GPAA1: variants seen among roughly 807,000 people sequenced by gnomAD.
The protein encoded by GPAA1 is GPI-anchor transamidase component GPAA1.
GPAA1 carries 54 observed loss-of-function variants against 64.0 expected under a neutral mutation model. The observed-to-expected ratio is 0.84, with a 90% CI of 0.68 to 1.06. The LOEUF (loss-of-function observed/expected upper bound fraction) is 1.06. Among genes scored for constraint, GPAA1 ranks in the 50% least tolerant of loss-of-function variants. The pLI, the probability that GPAA1 is intolerant of heterozygous loss-of-function variation, is 0.00. For synonymous variants in GPAA1, 393 were observed against 377.3 expected, an observed-to-expected ratio of 1.04 and a Z score of -0.48; for missense variants, 780 against 822.3, an observed-to-expected ratio of 0.95 and a Z score of 0.63.
rs1197213109 is a variant in GPAA1 at position 144,085,500 on chromosome 8, T to C, written c.1451+21T>C. 1.0e-5 allele frequency: 16 copies of C among 1,604,274 alleles called. 1 individual carries two copies. In the Admixed American group the frequency reaches 1.8e-4, roughly 18 times the overall value. ...CACCGGTAAGAGGCTGGGCTGGTTG[T>C]TGGGGGCAGGGGTAGAGGTCCCCTG... On this transcript the variant is annotated intron_variant, in intron 10 of 11. Transcript: ENST00000355091.
chr8:144,083,057 GT>G, intron 1 of GPAA1, 66 bp from the exon 2 acceptor site: 1 of 1,446,274 alleles, frequency 6.9e-7, no homozygotes, highest in Non-Finnish European at 9.5e-7. Flanking sequence ...GGGTGCGGAG[GT>G]TGTGGCCTCG....
In GPAA1 at chr8:144,083,492, G is replaced by A; in HGVS notation, c.358G>A (p.Glu120Lys). Residue 120 changes from glutamate to lysine, a missense_variant, in exon 3 of 12, where the codon GAG becomes AAG. Glu to Lys is a moderately conservative substitution (Grantham distance 56). Coordinates refer to ENST00000355091, the MANE Select transcript of GPAA1 (RefSeq NM_003801.4). ...RKLPFPDETH[E>K]RYMVSGTNVY... Reference sequence around the variant, plus strand: ...ACTGCCCTTCCCAGATGAGACCCACGAGCGCTATGTACTGGGGGAGTGGGG... The same window carrying A: ...ACTGCCCTTCCCAGATGAGACCCACAAGCGCTATGTACTGGGGGAGTGGGG... The A allele has an allele frequency of 1.1e-5, 17 of 1,610,382 alleles. No homozygotes were observed. Among genetic ancestry groups the A allele is most frequent in the Non-Finnish European group, 1.4e-5 (17 of 1,176,766 alleles).
rs1473186974 is a variant in GPAA1, at chr8:144,084,823, T to G, written c.1112T>G (p.Ile371Ser). Residue 371 changes from isoleucine (I) to serine (S), a missense_variant, in exon 8 of 12, where the codon ATC (isoleucine) becomes AGC (serine). Ile to Ser is a moderately radical substitution (Grantham distance 142, BLOSUM62 -2). Transcript: ENST00000355091. ...LLPGLSRFVS[I>S]GLYMPAVGFL... ...CCCGGCCTCTCCCGCTTCGTCTCCA[T>G]CGGCCTCTACATGCCCGCTGTCGGC... 1.2e-6 allele frequency: 2 copies of G among 1,613,628 alleles called. No individual in the cohort carries two copies. Among genetic ancestry groups the G allele is most frequent in the Non-Finnish European group, 1.7e-6 (2 of 1,180,018 alleles).
chr8:144,086,119 G>A lies in GPAA1; in HGVS notation c.1860G>A (p.Trp620Ter), dbSNP rs1176886949. 4 of 1,611,960 alleles carry A rather than the reference G, an allele frequency of 2.5e-6. No homozygotes were observed. The highest frequency in any genetic ancestry group is 1.3e-5 in the African/African-American group (1 of 74,902). Residue 620 changes from tryptophan (W) to a stop codon, truncating the protein, a stop_gained, in exon 12 of 12, where the codon TGG becomes TGA. Transcript: ENST00000355091. LOFTEE classifies it high-confidence loss of function. ...TGCTTTTCTGGAATGTGCTCTTCTG[G>A]AAGTGAGATCTGCCTGTCCGGGCTG... ...CWLLFWNVLFWK is the reference protein window; with the variant it reads ...CWLLFWNVLF
chr8:144,083,489 C>T lies in GPAA1; in HGVS notation c.355C>T (p.His119Tyr), dbSNP rs781847856. 10 of 1,611,766 alleles carry T rather than the reference C, an allele frequency of 6.2e-6. No individual in the cohort carries two copies. In the East Asian group the frequency reaches 2.2e-4, roughly 36 times the overall value. Residue 119 changes from histidine to tyrosine, a missense_variant, in exon 3 of 12, where the codon CAC (histidine) becomes TAC (tyrosine). Physicochemically the swap from His to Tyr is moderately conservative, Grantham distance 83. Transcript: ENST00000355091. ...GAAACTGCCCTTCCCAGATGAGACC[C>T]ACGAGCGCTATGTACTGGGGGAGTG... Reference protein sequence around the residue: ...SRKLPFPDETHERYMVSGTNV... With the variant: ...SRKLPFPDETYERYMVSGTNV...
intron 6 of GPAA1, 37 bp from the exon 7 acceptor site, chr8:144,084,376 G>A: frequency 6.2e-7 from 1 of 1,610,522 alleles, no homozygotes; most frequent in Non-Finnish European, 8.5e-7. Flanking sequence ...CAGGGTCTGT[G>A]GGAGGGGCTG....
At chr8:144,084,106 A>G (rs1554763967) in intron 5 of GPAA1, 28 bp from the exon 6 acceptor site, 1 of 1,611,824 alleles carries the variant, frequency 6.2e-7, no homozygotes, top group Non-Finnish European at 8.5e-7. Flanking sequence ...CACGTCCTCC[A>G]TTAGCACTCA....
Position 144,083,858 on chromosome 8 carries a change from C to T in GPAA1, c.511C>T (p.Arg171Trp). The change falls in exon 4 of 12, where the codon CGG becomes TGG. Residue 171 changes from arginine to tryptophan, a missense_variant. Transcript: ENST00000355091. ...GLLLALAAHF[R>W]GQIYWAKDIV... ...GCTGCTGGCACTGGCTGCCCACTTC[C>T]GGGGTGAGTCTCAGGGCTGCTGGCC... 3 of 1,613,018 alleles carry T rather than the reference C, an allele frequency of 1.9e-6. No individual in the cohort carries two copies. Among genetic ancestry groups the T allele is most frequent in the Non-Finnish European group, 2.5e-6 (3 of 1,180,008 alleles).
chr8:144,083,708 A>T lies in GPAA1; in HGVS notation c.367-6A>T. ...CTGAGGCTCCCCCCACCGATGCTGC[A>T]TACAGATGGTGTCGGGCACCAACGT... On this transcript the variant is annotated splice_region_variant and splice_polypyrimidine_tract_variant and intron_variant, in intron 3 of 11. Transcript: ENST00000355091. 1 of 1,601,018 alleles carries T rather than the reference A, an allele frequency of 6.2e-7. No homozygotes were observed. The highest frequency in any genetic ancestry group is 8.5e-7 in the Non-Finnish European group (1 of 1,178,344).
chr8:144,084,571 C>T lies in GPAA1; in HGVS notation c.972C>T (p.Ser324=), dbSNP rs782588005. Residue 324 remains serine (S), a synonymous_variant, in exon 7 of 12, where the codon AGC becomes AGT. Coordinates refer to ENST00000355091, the MANE Select transcript of GPAA1 (RefSeq NM_003801.4). ...VEALTLRGIN[S]FRQYKYDLVA... is the part of the protein sequence containing the mutation. ...CCCTAACCCTGCGTGGCATCAATAG[C>T]TTCCGCCAGTACAAGTATGACCTGG... The T allele has an allele frequency of 1.9e-6, 3 of 1,613,878 alleles. No homozygotes were observed. The South Asian group carries it at 3.3e-5, about 18-fold the overall frequency.
chr8:144,084,911 C>T (rs1835972198), intron 8 of GPAA1, 36 bp downstream of exon 8: 1 of 1,608,084 alleles, frequency 6.2e-7, no homozygotes, highest in Middle Eastern at 1.7e-4. Flanking sequence ...CTGTGACCAG[C>T]CTCCAGTCTC....
Position 144,086,162 on chromosome 8 carries a change from G to A in GPAA1, c.*37G>A. 6.3e-7 allele frequency: 1 copy of A among 1,594,180 alleles called. No homozygotes were observed. The highest frequency in any genetic ancestry group is 1.1e-5 in the South Asian group (1 of 90,650). On this transcript the variant is annotated 3_prime_UTR_variant, in exon 12 of 12. Coordinates refer to ENST00000355091, the MANE Select transcript of GPAA1 (RefSeq NM_003801.4). ...CCGGGCTGGGACAGAGACTCCCCAA[G>A]GACCCCATTCTGCCTCCTTCTGGGG... is the stretch of plus-strand genomic sequence containing the variant.
At chr8:144,084,942 A>T in intron 8 of GPAA1, 67 bp downstream of exon 8, 1 of 1,579,254 alleles carries the variant, frequency 6.3e-7, no homozygotes, top group Non-Finnish European at 8.7e-7. Flanking sequence ...GGCTGGGGAG[A>T]GTCTTCCATC....
rs781822297 is a variant in GPAA1, at chr8:144,084,546, C to T, written c.947C>T (p.Ala316Val). ...HGLFLRYRVE[A>V]LTLRGINSFR... Reference sequence around the variant, plus strand: ...CTCTTCCTGCGCTACCGTGTGGAGGCCCTAACCCTGCGTGGCATCAATAGC... The same window carrying T: ...CTCTTCCTGCGCTACCGTGTGGAGGTCCTAACCCTGCGTGGCATCAATAGC... Residue 316 changes from alanine to valine, a missense_variant, in exon 7 of 12, where the codon GCC becomes GTC. Physicochemically the swap from Ala to Val is moderately conservative, Grantham distance 64. Coordinates refer to ENST00000355091, the MANE Select transcript of GPAA1 (RefSeq NM_003801.4). 3.1e-6 allele frequency: 5 copies of T among 1,613,970 alleles called. No individual in the cohort carries two copies. The highest frequency in any genetic ancestry group is 1.6e-4 in the Middle Eastern group (1 of 6,062).
chr8:144,083,383 C>T lies in GPAA1; in HGVS notation c.255-6C>T, dbSNP rs571985531. ...CTCTGCTCAGAGGCTCCCTTCGTGT[C>T]TGCAGGGCTCTGCCAGTGGCCTGGC... On this transcript the variant is annotated splice_region_variant and splice_polypyrimidine_tract_variant and intron_variant, in intron 2 of 11. Transcript: ENST00000355091. The T allele has an allele frequency of 1.3e-5, 21 of 1,612,704 alleles. No individual in the cohort carries two copies. In the African/African-American group the frequency reaches 2.1e-4, roughly 16 times the overall value.
At chr8:144,085,532 C>A (rs1587594964) in intron 10 of GPAA1, 41 bp from the exon 11 acceptor site, 1 of 1,606,568 alleles carries the variant, frequency 6.2e-7, no homozygotes, top group East Asian at 2.2e-5. Flanking sequence ...CCTGGACATG[C>A]AGACAGCTTG....
chr8:144,083,014 G>T, intron 1 of GPAA1, 110 bp from the exon 2 acceptor site: 1 of 1,058,558 alleles, frequency 9.4e-7, no homozygotes, highest in East Asian at 2.6e-5. Context: ...AGGACTCCGG[G>T]TTTAGGTCTC....
chr8:144,083,755 G>A lies in GPAA1; in HGVS notation c.408G>A (p.Pro136=), dbSNP rs1835947099. Residue 136 remains proline (P), a synonymous_variant, in exon 4 of 12, where the codon CCG becomes CCA. Transcript: ENST00000355091. ...ACGTGTACGGCATCCTGCGGGCCCCGCGTGCTGCCAGCACCGAGTCGCTTG... is the reference window on the plus strand; with the variant it reads ...ACGTGTACGGCATCCTGCGGGCCCCACGTGCTGCCAGCACCGAGTCGCTTG... ...GTNVYGILRA[P]RAASTESLVL... is the part of the protein sequence containing the mutation. 7 of 1,605,384 alleles carry A rather than the reference G, an allele frequency of 4.4e-6. No individual in the cohort carries two copies. Among genetic ancestry groups the A allele is most frequent in the Non-Finnish European group, 5.9e-6 (7 of 1,179,760 alleles).
In GPAA1 at chr8:144,083,480, G is replaced by C. The variant is rs782785425; in HGVS notation, c.346G>C (p.Asp116His). The change falls in exon 3 of 12, where the codon GAT becomes CAT. Residue 116 changes from aspartate (D) to histidine (H), a missense_variant. Asp to His is a moderately conservative substitution (Grantham distance 81). Transcript: ENST00000355091. Reference sequence around the variant, plus strand: ...TTTCTCCCGGAAACTGCCCTTCCCAGATGAGACCCACGAGCGCTATGTACT... The same window carrying C: ...TTTCTCCCGGAAACTGCCCTTCCCACATGAGACCCACGAGCGCTATGTACT... ...QSFSRKLPFP[D>H]ETHERYMVSG... is the part of the protein sequence containing the mutation. 1.2e-6 allele frequency: 2 copies of C among 1,613,284 alleles called. No individual in the cohort carries two copies. Among genetic ancestry groups the C allele is most frequent in the Non-Finnish European group, 1.7e-6 (2 of 1,179,388 alleles).
Sources: gnomAD v4.1 joint callset for allele counts on GRCh38, gnomAD v4.1.1 for gene constraint, MANE v1.5 for transcripts, NCBI Gene and HGNC (gene_info 2026-07-23, HGNC 2026-07-21) for gene names.